MRAS: variants seen among roughly 807,000 people sequenced by gnomAD.
The protein encoded by MRAS is ras-related protein M-Ras.
A neutral mutation model predicts 20.9 loss-of-function variants in MRAS; 4 were observed. That is an observed-to-expected ratio of 0.19 (90% CI 0.09 to 0.44). The LOEUF (loss-of-function observed/expected upper bound fraction) is 0.44, where lower values mean the gene tolerates loss of function less well. Among genes scored for constraint, MRAS ranks in the 20% least tolerant of loss-of-function variants. MRAS has a pLI of 0.99. For missense variants in MRAS, 154 were observed against 277.5 expected, an observed-to-expected ratio of 0.56 and a Z score of 3.16; for synonymous variants, 98 against 102.9, an observed-to-expected ratio of 0.95 and a Z score of 0.29.
chr3:138,392,063 G>A (rs866279124), intron 2 of MRAS, among the ~76,000 whole-genome samples: 34 of 152,232 alleles, frequency 2.2e-4, no homozygotes, highest in African/African-American at 6.3e-4. Flanking sequence ...GCTGGAACCC[G>A]GCAGGCGGAG....
At position 138,362,758 on chromosome 3, in the gene MRAS, T is replaced by C. The variant is rs561024187; in HGVS notation, c.-18-10108T>C. On this transcript the variant is annotated intron_variant, in intron 1 of 5. Transcript: ENST00000423968. ...GGGCACTTGTTTTTTCATCATGCAG[T>C]GCTTATTAAGCAGCCACTGTGTGGC... 4.1e-4 allele frequency among the ~76,000 whole-genome samples: 62 copies of C among 152,240 alleles called. No homozygotes were observed. In the East Asian group the frequency reaches 0.011, roughly 28 times the overall value.
Position 138,405,498 on chromosome 3 carries a change from G to A in MRAS, c.*3229G>A, listed in dbSNP as rs910039917. 2.6e-5 allele frequency: 4 copies of A among 152,724 alleles called. No individual in the cohort carries two copies. The highest frequency in any genetic ancestry group is 2.1e-4 in the South Asian group (1 of 4,832). The allele number at this position is 152,724 out of a possible 1,614,324, so 9.5% of individuals were successfully genotyped here. On this transcript the variant is annotated 3_prime_UTR_variant, in exon 6 of 6. Coordinates refer to ENST00000423968, the MANE Select transcript of MRAS (RefSeq NM_001085049.3). ...CTGTGTAACTTTTTATTAAGTCTTT[G>A]TATCTCTCGACTGATTAATAAAGAA...
At chr3:138,351,723 C>G (rs965139737) in intron 1 of MRAS, among the ~76,000 whole-genome samples, 3 of 152,220 alleles carry the variant, frequency 2.0e-5, no homozygotes, top group African/African-American at 7.2e-5. Flanking sequence ...AATGGGATAT[C>G]AGTGCCACTT....
intron 1 of MRAS, among the ~76,000 whole-genome samples, chr3:138,355,398 A>T (rs544676592): frequency 6.6e-6 from 1 of 152,208 alleles, no homozygotes; most frequent in Non-Finnish European, 1.5e-5. Context: ...GTTTGCATGT[A>T]GTTTGCCATG....
intron 1 of MRAS, among the ~76,000 whole-genome samples, chr3:138,371,108 G>T (rs1222816360): frequency 6.6e-6 from 1 of 152,084 alleles, no homozygotes; most frequent in African/African-American, 2.4e-5. Context: ...TCTCACATGG[G>T]GTAGAGCTGC....
intron 1 of MRAS, among the ~76,000 whole-genome samples, chr3:138,354,524 AGGCTTTTGCTGCTTCTGACCACATT>A (rs2054291331): frequency 6.6e-6 from 1 of 152,144 alleles, no homozygotes; most frequent in Admixed American, 6.5e-5. Context: ...TTGACTAAAG[AGGCTTTTGCTGCTTCTGACCACATT>A]GTGGAGAAGC....
intron 2 of MRAS, among the ~76,000 whole-genome samples, chr3:138,377,865 G>A (rs912698357): frequency 3.9e-5 from 6 of 152,262 alleles, no homozygotes; most frequent in Admixed American, 2.0e-4. Flanking sequence ...TGGAAGGCCC[G>A]TGCTAAGCAC....
intron 2 of MRAS, among the ~76,000 whole-genome samples, chr3:138,395,917 G>A (rs553983064): frequency 6.6e-6 from 1 of 152,300 alleles, no homozygotes; most frequent in African/African-American, 2.4e-5. Flanking sequence ...TTTTGGCCAG[G>A]CCATGAGTAG....
intron 2 of MRAS, among the ~76,000 whole-genome samples, chr3:138,379,850 A>G (rs995108483): frequency 6.6e-6 from 1 of 152,200 alleles, no homozygotes; most frequent in Non-Finnish European, 1.5e-5. Context: ...ACTCAGCAGT[A>G]GGATTGCTGG....
intron 2 of MRAS, among the ~76,000 whole-genome samples, chr3:138,391,910 C>T (rs2055139301): frequency 6.6e-6 from 1 of 152,128 alleles, no homozygotes; most frequent in Admixed American, 6.5e-5. Flanking sequence ...GAGGCCGAGG[C>T]AGGTGGATCA....
At chr3:138,399,544 C>CCCT (rs10671967) in intron 4 of MRAS, among the ~76,000 whole-genome samples, 129,385 of 152,026 alleles carry the variant, frequency 0.85, 55,378 homozygotes, top group East Asian at 0.98. Context: ...TACTCTGTCG[C>CCCT]CCTCCATGCA....
At chr3:138,353,006 A>G (rs2054259185) in intron 1 of MRAS, among the ~76,000 whole-genome samples, 1 of 152,154 alleles carries the variant, frequency 6.6e-6, no homozygotes, top group Non-Finnish European at 1.5e-5. Flanking sequence ...CCAGTATTCA[A>G]GCAACCTTCG....
rs2055374666 is a variant in MRAS at position 138,402,208 on chromosome 3, A to G, written c.566A>G (p.Lys189Arg). 1 of 1,614,148 alleles carries G rather than the reference A, an allele frequency of 6.2e-7. No homozygotes were observed. Among genetic ancestry groups the G allele is most frequent in the Non-Finnish European group, 8.5e-7 (1 of 1,180,058 alleles). ...IPEKSQKKKK[K>R]TKWRGDRATG... ...GAAAAAAGCCAGAAGAAGAAGAAGAAAACCAAATGGCGGGGAGACCGGGCC... is the reference window on the plus strand; with the variant it reads ...GAAAAAAGCCAGAAGAAGAAGAAGAGAACCAAATGGCGGGGAGACCGGGCC... Residue 189 changes from lysine (K) to arginine (R), a missense_variant, in exon 6 of 6, where the codon AAA (lysine) becomes AGA (arginine). Physicochemically the swap from Lys to Arg is conservative, Grantham distance 26 (BLOSUM62 2). Coordinates refer to ENST00000423968, the MANE Select transcript of MRAS (RefSeq NM_001085049.3).
At chr3:138,349,198 A>T (rs1223189805) in intron 1 of MRAS, 1 of 152,288 alleles carries the variant, frequency 6.6e-6, no homozygotes, top group Non-Finnish European at 1.5e-5. Context: ...ATTCATCTGA[A>T]TAATAAAACG....
chr3:138,393,381 T>A (rs570644510), intron 2 of MRAS, among the ~76,000 whole-genome samples: 1 of 149,706 alleles, frequency 6.7e-6, no homozygotes, highest in Non-Finnish European at 1.5e-5. Flanking sequence ...TTAACTCTTA[T>A]GTTTTGCTGT....
Position 138,402,273 on chromosome 3 carries a change from G to A in MRAS, c.*4G>A, listed in dbSNP as rs753698358. 6 of 1,613,628 alleles carry A rather than the reference G, an allele frequency of 3.7e-6. 1 individual carries two copies. The South Asian group carries it at 6.6e-5, about 18-fold the overall frequency. On this transcript the variant is annotated 3_prime_UTR_variant, in exon 6 of 6. Transcript: ENST00000423968. ...ACTGCAATGTGTGATCTTGTGACAG[G>A]CCTGAGGCCCTGGGCACAGTGACGG...
chr3:138,373,067 A>G lies in MRAS; in HGVS notation c.184A>G (p.Ile62Val). Residue 62 changes from isoleucine (I) to valine (V), a missense_variant, in exon 2 of 6, where the codon ATC (isoleucine) becomes GTC (valine). Ile to Val is a conservative substitution (Grantham distance 29). Transcript: ENST00000423968. ...TACGGAGATTGACAATCAATGGGCC[A>G]TCTTGGACGGTGAGACCTGGGTGGC... ...KHTEIDNQWAILDVLDTAGQE... is the reference protein window; with the variant it reads ...KHTEIDNQWAVLDVLDTAGQE... 6.8e-7 allele frequency: 1 copy of G among 1,479,594 alleles called. No individual in the cohort carries two copies. Among genetic ancestry groups the G allele is most frequent in the South Asian group, 1.4e-5 (1 of 69,464 alleles). 91.7% of individuals were successfully genotyped at this position (1,479,594 alleles called of 1,614,324 possible). A position where few individuals can be genotyped will look rare whatever the true frequency, so the allele number is the denominator to read the frequency against.
At chr3:138,397,520 G>A (rs753145808) in intron 3 of MRAS, 43 bp downstream of exon 3, 36 of 1,608,542 alleles carry the variant, frequency 2.2e-5, no homozygotes, top group Middle Eastern at 1.7e-4. Flanking sequence ...AGAGGCCTGC[G>A]CCTGCCTCCT....
intron 2 of MRAS, among the ~76,000 whole-genome samples, chr3:138,374,537 ACTT>A (rs573248781): frequency 2.6e-5 from 4 of 152,136 alleles, no homozygotes; most frequent in Admixed American, 1.3e-4. Flanking sequence ...AGACAGTTTT[ACTT>A]CTTCTTTTCC....
Sources: allele counts gnomAD v4.1 joint callset (sites outside exome capture counted in the v4.1 genomes callset), GRCh38; gene constraint gnomAD v4.1.1; transcripts MANE v1.5; gene names NCBI Gene and HGNC (gene_info 2026-07-23, HGNC 2026-07-21).